Variants in SGCZ observed in about 807,000 individuals in gnomAD.
SGCZ encodes the protein zeta-sarcoglycan.
SGCZ carries 40 observed loss-of-function variants against 41.3 expected under a neutral mutation model. That is an observed-to-expected ratio of 0.97 (90% CI 0.75 to 1.26). The LOEUF (loss-of-function observed/expected upper bound fraction) is 1.26, where lower values mean the gene tolerates loss of function less well. Ranked by LOEUF, SGCZ falls within the 50% of genes most tolerant of loss-of-function variation. The pLI is 0.00. For synonymous variants in SGCZ, 206 were observed against 137.5 expected, an observed-to-expected ratio of 1.50 and a Z score of -3.49; for missense variants, 552 against 369.8, an observed-to-expected ratio of 1.49 and a Z score of -4.04.
At chr8:15,003,059 G>A (rs1247424637) in intron 1 of SGCZ, among the ~76,000 whole-genome samples, 1 of 152,042 alleles carries the variant, frequency 6.6e-6, no homozygotes, top group African/African-American at 2.4e-5. Context: ...TGATTGTGAG[G>A]CCTCCCCAGC....
At chr8:14,323,452 G>A (rs1390257651) in intron 3 of SGCZ, among the ~76,000 whole-genome samples, 1 of 151,994 alleles carries the variant, frequency 6.6e-6, no homozygotes, top group Admixed American at 6.6e-5. Context: ...TAATAGATAT[G>A]AAAAATTCTA....
intron 1 of SGCZ, among the ~76,000 whole-genome samples, chr8:14,891,972 A>T (rs918383973): frequency 2.6e-5 from 4 of 152,240 alleles, no homozygotes; most frequent in Non-Finnish European, 5.9e-5. Context: ...CACTTAACAG[A>T]CATCACATAA....
rs56152915 is a variant in SGCZ at position 14,326,111 on chromosome 8, C to CAAAAAAAAAAAAAAAAAAAA, written c.235-1908_235-1907insTTTTTTTTTTTTTTTTTTTT. Among the ~76,000 whole-genome samples the CAAAAAAAAAAAAAAAAAAAA allele has an allele frequency of 3.0e-3, 115 of 37,900 alleles. 46 individuals carry two copies. The highest frequency in any genetic ancestry group is 7.5e-3 in the East Asian group (8 of 1,068). 24.9% of individuals were successfully genotyped at this position (37,900 alleles called of 152,430 possible). A position where few individuals can be genotyped will look rare whatever the true frequency, so the allele number is the denominator to read the frequency against. On this transcript the variant is annotated intron_variant, in intron 2 of 7. Transcript: ENST00000382080. ...TGGGCGAAAGAGTGAGACTCCGTCT[C>CAAAAAAAAAAAAAAAAAAAA]AAAAAAAAAAAAAAAAAAAGATGAG...
intron 1 of SGCZ, among the ~76,000 whole-genome samples, chr8:14,994,620 G>A (rs983341133): frequency 4.6e-5 from 7 of 151,760 alleles, no homozygotes; most frequent in African/African-American, 1.7e-4. Context: ...GGGTAACCAT[G>A]AGGGATGGAC....
chr8:14,304,472 T>C (rs1282358029), intron 3 of SGCZ, among the ~76,000 whole-genome samples: 1 of 152,040 alleles, frequency 6.6e-6, no homozygotes, highest in Non-Finnish European at 1.5e-5. Flanking sequence ...CACATGCCTG[T>C]GGACCCAGGT....
At chr8:15,022,057 C>A (rs1728595266) in intron 1 of SGCZ, among the ~76,000 whole-genome samples, 1 of 152,202 alleles carries the variant, frequency 6.6e-6, no homozygotes, top group African/African-American at 2.4e-5. Flanking sequence ...CCTTCTGGTA[C>A]TGCACATGCA....
chr8:14,669,923 A>C (rs1241381376), intron 1 of SGCZ, among the ~76,000 whole-genome samples: 1 of 152,192 alleles, frequency 6.6e-6, no homozygotes, highest in African/African-American at 2.4e-5. Context: ...AATTAAACTA[A>C]CACTAAATAC....
intron 1 of SGCZ, among the ~76,000 whole-genome samples, chr8:15,155,168 G>A (rs147149795): frequency 0.014 from 2,098 of 152,170 alleles, 22 homozygotes; most frequent in East Asian, 0.033. Flanking sequence ...GGTGGTGCAC[G>A]CCTATAGTCC....
intron 1 of SGCZ, among the ~76,000 whole-genome samples, chr8:15,097,890 ATATATATATATATATATATACGTGTG>A (rs1563124149): frequency 0.029 from 469 of 16,122 alleles, 20 homozygotes; most frequent in Admixed American, 0.073. Flanking sequence ...ATACGTGTGT[ATATATATATATATATATATACGTGTG>A]TATATATATA....
intron 1 of SGCZ, among the ~76,000 whole-genome samples, chr8:14,620,984 G>A (rs1330555899): frequency 3.3e-5 from 5 of 152,042 alleles, no homozygotes; most frequent in Admixed American, 3.3e-4. Flanking sequence ...AAAGACACAT[G>A]CATGCATATG....
intron 4 of SGCZ, among the ~76,000 whole-genome samples, chr8:14,212,386 A>G (rs1245774166): frequency 1.3e-5 from 2 of 151,548 alleles, no homozygotes; most frequent in Non-Finnish European, 1.5e-5. Flanking sequence ...CTCACGTAAC[A>G]CCAGAAGGCA....
chr8:15,170,646 A>C (rs533358224), intron 1 of SGCZ, among the ~76,000 whole-genome samples: 63 of 152,264 alleles, frequency 4.1e-4, no homozygotes, highest in African/African-American at 1.3e-3. Context: ...GTTTTTTTAA[A>C]CTTTCTATGC....
At chr8:14,194,957 G>A (rs1176366862) in intron 4 of SGCZ, among the ~76,000 whole-genome samples, 2 of 151,930 alleles carry the variant, frequency 1.3e-5, no homozygotes, top group Admixed American at 6.6e-5. Context: ...GAATTCAGAG[G>A]GTTAATCTGT....
At chr8:14,511,824 T>C (rs1461988081) in intron 2 of SGCZ, among the ~76,000 whole-genome samples, 2 of 152,152 alleles carry the variant, frequency 1.3e-5, no homozygotes, top group African/African-American at 4.8e-5. Context: ...TTTGCTAGGT[T>C]AGGCTTGTTG....
At chr8:14,854,794 A>G (rs915176003) in intron 1 of SGCZ, among the ~76,000 whole-genome samples, 1 of 151,978 alleles carries the variant, frequency 6.6e-6, no homozygotes, top group African/African-American at 2.4e-5. Context: ...GAGTAGGTCA[A>G]TTGGGATCAG....
At chr8:14,587,644 A>G (rs553344125) in intron 1 of SGCZ, among the ~76,000 whole-genome samples, 8 of 152,320 alleles carry the variant, frequency 5.3e-5, no homozygotes, top group African/African-American at 1.9e-4. Flanking sequence ...CATGGATAGA[A>G]TATATGCAGC....
chr8:14,476,796 T>C (rs537479443), intron 2 of SGCZ, among the ~76,000 whole-genome samples: 8 of 152,298 alleles, frequency 5.3e-5, no homozygotes, highest in Admixed American at 1.3e-4. Flanking sequence ...TCCACTACGG[T>C]TTGACTTCTG....
At chr8:14,925,658 T>A (rs1446040719) in intron 1 of SGCZ, among the ~76,000 whole-genome samples, 5 of 152,162 alleles carry the variant, frequency 3.3e-5, no homozygotes, top group Non-Finnish European at 7.3e-5. Flanking sequence ...TCAAGAAGCA[T>A]CCTATGCCAG....
chr8:14,564,940 C>T (rs930538883), intron 1 of SGCZ, among the ~76,000 whole-genome samples: 23 of 151,968 alleles, frequency 1.5e-4, no homozygotes, highest in African/African-American at 5.3e-4. Flanking sequence ...ATAAGAAAAA[C>T]GGCCATTTGG....
Sources: allele counts gnomAD v4.1 joint callset (sites outside exome capture counted in the v4.1 genomes callset), GRCh38; gene constraint gnomAD v4.1.1; transcripts MANE v1.5; gene names NCBI Gene and HGNC (gene_info 2026-07-23, HGNC 2026-07-21).